The following PRR16 variants were observed in gnomAD, a reference collection of about 807,000 sequenced individuals.
PRR16 encodes protein Largen.
In PRR16, 6 loss-of-function variants were observed where a neutral mutation model predicts 18.2. That is an observed-to-expected ratio of 0.33 (90% CI 0.18 to 0.65). The LOEUF (loss-of-function observed/expected upper bound fraction) is 0.65, where lower values mean the gene tolerates loss of function less well. Among genes scored for constraint, PRR16 ranks in the 30% least tolerant of loss-of-function variants. The probability of loss-of-function intolerance (pLI) is 0.74; values close to 1 mark genes in which losing one functional copy is unlikely to be tolerated. For missense variants in PRR16, 412 were observed against 376.6 expected, an observed-to-expected ratio of 1.09 and a Z score of -0.78; for synonymous variants, 151 against 147.8, an observed-to-expected ratio of 1.02 and a Z score of -0.16.
chr5:120,473,211 AG>A (rs1399261832), intron 1 of PRR16, among the ~76,000 whole-genome samples: 3 of 152,192 alleles, frequency 2.0e-5, no homozygotes, highest in African/African-American at 7.2e-5. Flanking sequence ...CAAATATCAG[AG>A]GTATATTTAT....
chr5:120,506,365 A>G (rs1042474508), intron 1 of PRR16, among the ~76,000 whole-genome samples: 2 of 152,144 alleles, frequency 1.3e-5, no homozygotes, highest in African/African-American at 4.8e-5. Flanking sequence ...TTGATTACCT[A>G]TTTCTAAAGA....
At chr5:120,771,417 A>G in the PRR16 span, among the ~76,000 whole-genome samples, 1 of 152,080 alleles carries the variant, frequency 6.6e-6, no homozygotes, top group African/African-American at 2.4e-5. Flanking sequence ...AGCATACTAT[A>G]CACAAAAGCA....
At chr5:120,694,523 A>C in the PRR16 span, among the ~76,000 whole-genome samples, 1 of 151,882 alleles carries the variant, frequency 6.6e-6, no homozygotes, top group East Asian at 1.9e-4. Context: ...TCTGTACTAA[A>C]AATACAAAAA....
At chr5:120,486,269 G>C (rs1749796534) in intron 1 of PRR16, among the ~76,000 whole-genome samples, 1 of 152,156 alleles carries the variant, frequency 6.6e-6, no homozygotes, top group Non-Finnish European at 1.5e-5. Flanking sequence ...TCCAACAGCA[G>C]TGTAAAAGCG....
chr5:120,664,280 C>T (rs191702417), intron 1 of PRR16, among the ~76,000 whole-genome samples: 157 of 150,954 alleles, frequency 1.0e-3, no homozygotes, highest in Non-Finnish European at 1.2e-3. Flanking sequence ...GCCTGGGAGA[C>T]AGAGTGAAAC....
chr5:120,539,118 G>A (rs1352960103), intron 1 of PRR16, among the ~76,000 whole-genome samples: 1 of 151,912 alleles, frequency 6.6e-6, no homozygotes, highest in Non-Finnish European at 1.5e-5. Context: ...CAACTTTGAC[G>A]CCATTTCTAC....
chr5:120,533,529 G>A (rs1751618486), intron 1 of PRR16, among the ~76,000 whole-genome samples: 1 of 152,090 alleles, frequency 6.6e-6, no homozygotes, highest in East Asian at 1.9e-4. Context: ...GAATAATTGT[G>A]GAAAAGATGA....
chr5:120,634,328 G>A lies in PRR16; in HGVS notation c.160-51626G>A, dbSNP rs1228008590. ...AAACGTGCTAAGAAGAAAATGTATA[G>A]CATTAAATGCCTATATCAACAAGTC... On this transcript the variant is annotated intron_variant, in intron 1 of 1. Coordinates refer to ENST00000407149, the MANE Select transcript of PRR16 (RefSeq NM_001300783.2). 2.6e-5 allele frequency among the ~76,000 whole-genome samples: 4 copies of A among 152,094 alleles called. No homozygotes were observed. The East Asian group carries it at 7.7e-4, about 29-fold the overall frequency.
At chr5:120,612,526 C>G (rs1020716432) in intron 1 of PRR16, among the ~76,000 whole-genome samples, 2 of 152,132 alleles carry the variant, frequency 1.3e-5, no homozygotes, top group African/African-American at 4.8e-5. Context: ...ATAAGTATTA[C>G]GATATCTGAA....
At chr5:120,473,477 C>T (rs1580614022) in intron 1 of PRR16, among the ~76,000 whole-genome samples, 1 of 152,010 alleles carries the variant, frequency 6.6e-6, no homozygotes, top group South Asian at 2.1e-4. Flanking sequence ...TCATTTTCTC[C>T]ATAGTGTGGC....
At chr5:120,593,075 G>T (rs1434351925) in intron 1 of PRR16, among the ~76,000 whole-genome samples, 2 of 151,716 alleles carry the variant, frequency 1.3e-5, no homozygotes, top group Non-Finnish European at 2.9e-5. Context: ...AAGATCTCAA[G>T]GTAACAACTT....
At chr5:120,779,095 T>C in the PRR16 span, among the ~76,000 whole-genome samples, 1 of 152,132 alleles carries the variant, frequency 6.6e-6, no homozygotes, top group African/African-American at 2.4e-5. Context: ...TAGTAAAATA[T>C]GCACACGTTA....
chr5:120,760,851 A>T, the PRR16 span, among the ~76,000 whole-genome samples: 1 of 152,082 alleles, frequency 6.6e-6, no homozygotes, highest in East Asian at 1.9e-4. Context: ...TAGCACAATG[A>T]AAACCTGATG....
the PRR16 span, among the ~76,000 whole-genome samples, chr5:120,714,503 G>A: frequency 6.6e-6 from 1 of 152,182 alleles, no homozygotes; most frequent in Non-Finnish European, 1.5e-5. Context: ...TGCTGGTGAG[G>A]TTGTGGAGAA....
In PRR16 at chr5:120,612,830, G is replaced by A. The variant is rs567718890; in HGVS notation, c.160-73124G>A. 1.5e-4 allele frequency among the ~76,000 whole-genome samples: 23 copies of A among 152,212 alleles called. No individual in the cohort carries two copies. The South Asian group carries it at 4.8e-3, about 32-fold the overall frequency. Reference sequence around the variant, plus strand: ...TTTATTGCATTATTTAGTGAAATATGTATATAATATTACTTGCACAAATCA... The same window carrying A: ...TTTATTGCATTATTTAGTGAAATATATATATAATATTACTTGCACAAATCA... On this transcript the variant is annotated intron_variant, in intron 1 of 1. Coordinates refer to ENST00000407149, the MANE Select transcript of PRR16 (RefSeq NM_001300783.2).
At chr5:120,659,616 T>G (rs1325180384) in intron 1 of PRR16, among the ~76,000 whole-genome samples, 1 of 152,070 alleles carries the variant, frequency 6.6e-6, no homozygotes, top group Non-Finnish European at 1.5e-5. Flanking sequence ...TACAGTAGAT[T>G]AATATTGATT....
At chr5:120,778,114 T>G in the PRR16 span, among the ~76,000 whole-genome samples, 11 of 152,220 alleles carry the variant, frequency 7.2e-5, no homozygotes, top group East Asian at 1.5e-3. Context: ...TAAAATTAAT[T>G]ACAAGTTTAA....
chr5:120,551,452 C>T (rs978861291), intron 1 of PRR16, among the ~76,000 whole-genome samples: 3 of 151,926 alleles, frequency 2.0e-5, no homozygotes, highest in Non-Finnish European at 2.9e-5. Flanking sequence ...GCCGCTTCAT[C>T]GTCTATTAAA....
intron 1 of PRR16, among the ~76,000 whole-genome samples, chr5:120,586,720 T>C (rs544008007): frequency 6.6e-6 from 1 of 152,300 alleles, no homozygotes; most frequent in East Asian, 1.9e-4. Flanking sequence ...TCCGTCTTTC[T>C]TCCTCTCCTT....
Sources: gnomAD v4.1 joint callset for allele counts (sites outside exome capture counted in the v4.1 genomes callset) on GRCh38, gnomAD v4.1.1 for gene constraint, MANE v1.5 for transcripts, NCBI Gene and HGNC (gene_info 2026-07-23, HGNC 2026-07-21) for gene names.